Variants in GLI1 observed in about 807,000 individuals in gnomAD.
GLI1 encodes GLI family zinc finger 1, also known as transcription activator GLI1.
In GLI1, 51 loss-of-function variants were observed where a neutral mutation model predicts 87.8. The ratio of observed to expected loss-of-function variants is 0.58; its 90% CI spans 0.46 to 0.73. GLI1 has a LOEUF of 0.73. GLI1 is among the 30% of genes least tolerant of loss of function. The pLI is 0.00. For missense variants in GLI1, 1,292 were observed against 1,437.2 expected (o/e 0.90, Z 1.63); for synonymous variants, 528 against 558.2 (o/e 0.95, Z 0.76).
At chr12:57,462,549 C>A (rs771322672) in intron 1 of GLI1, among the ~76,000 whole-genome samples, 3 of 151,000 alleles carry the variant, frequency 2.0e-5, no homozygotes, top group Non-Finnish European at 4.4e-5. Context: ...GCAGCACCTT[C>A]TTCCTCGCTA....
At position 57,464,873 on chromosome 12, in the gene GLI1, A is replaced by G; in HGVS notation, c.389+5A>G. On this transcript the variant is annotated splice_donor_5th_base_variant and intron_variant, in intron 4 of 11. Transcript: ENST00000228682. ...TCTCTCCATTGGCACCATGAGGTGC[A>G]GTCAGCCCCGGGCCAAGAGGCCCCT... 6.2e-7 allele frequency: 1 copy of G among 1,606,714 alleles called. No individual in the cohort carries two copies. Among genetic ancestry groups the G allele is most frequent in the Non-Finnish European group, 8.5e-7 (1 of 1,173,406 alleles).
Position 57,465,663 on chromosome 12 carries a change from T to C in GLI1, c.591T>C (p.Gly197=). Residue 197 remains glycine, a synonymous_variant, in exon 6 of 12, where the codon GGT becomes GGC. Coordinates refer to ENST00000228682, the MANE Select transcript of GLI1 (RefSeq NM_005269.3). ...VGKCREEPLE[G]DMSSPNSTGI... is the part of the protein sequence containing the mutation. ...AGTGCCGGGAGGAACCCTTGGAAGG[T>C]GATATGTCCAGCCCCAACTCCACAG... 6.2e-7 allele frequency: 1 copy of C among 1,614,072 alleles called. No homozygotes were observed.
At position 57,471,196 on chromosome 12, in the gene GLI1, G is replaced by C; in HGVS notation, c.2456G>C (p.Gly819Ala). Residue 819 changes from glycine to alanine, a missense_variant, in exon 12 of 12, where the codon GGG becomes GCG. Gly to Ala is a moderately conservative substitution (Grantham distance 60). Around this residue, in one of 3 missense-constraint regions of GLI1, gnomAD observed 897 missense variants for 1,040.7 expected, o/e 0.86. Transcript: ENST00000228682. The surrounding 1 kb of genome is among the most constrained non-coding windows in gnomAD (Gnocchi z 4.9). Reference protein sequence around the residue: ...YGQVQVKPEQGCPVGSDSTGL... With the variant: ...YGQVQVKPEQACPVGSDSTGL... ...CAAGTGCAAGTCAAGCCAGAACAGG[G>C]GTGCCCAGTGGGGTCTGACTCCACA... 1 of 1,599,224 alleles carries C rather than the reference G, an allele frequency of 6.3e-7. No homozygotes were observed. The highest frequency in any genetic ancestry group is 8.5e-7 in the Non-Finnish European group (1 of 1,172,772).
At position 57,470,129 on chromosome 12, in the gene GLI1, CA is replaced by C. The variant is rs1273786860; in HGVS notation, c.1577-187del. On this transcript the variant is annotated intron_variant, in intron 11 of 11. Coordinates refer to ENST00000228682, the MANE Select transcript of GLI1 (RefSeq NM_005269.3). Reference sequence around the variant, plus strand: ...GCAGCACACAACCTGCACAACTGTTCATAGCAACCCTGAATCCTTGGTAACC... The same window carrying C: ...GCAGCACACAACCTGCACAACTGTTCTAGCAACCCTGAATCCTTGGTAACC... Among the ~76,000 whole-genome samples, 13 of 152,208 alleles carry C rather than the reference CA, an allele frequency of 8.5e-5. 1 individual carries two copies. In the East Asian group the frequency reaches 2.5e-3, roughly 29 times the overall value.
At chr12:57,464,290 G>A (rs562953490) in intron 3 of GLI1, among the ~76,000 whole-genome samples, 199 bp downstream of exon 3, 4 of 152,156 alleles carry the variant, frequency 2.6e-5, no homozygotes, top group South Asian at 2.1e-4. Context: ...GGGAAGCCGT[G>A]GCAGGAAGAT....
chr12:57,461,453 C>G (rs1354473744), intron 1 of GLI1, among the ~76,000 whole-genome samples: 1 of 152,164 alleles, frequency 6.6e-6, no homozygotes, highest in Non-Finnish European at 1.5e-5. Flanking sequence ...TGTCCGGGCC[C>G]CTCCTCCTCC....
In GLI1 at chr12:57,471,153, C is replaced by T. The variant is rs1050431269; in HGVS notation, c.2413C>T (p.Arg805Ter). The T allele has an allele frequency of 1.9e-6, 3 of 1,610,306 alleles. No homozygotes were observed. The highest frequency in any genetic ancestry group is 2.5e-6 in the Non-Finnish European group (3 of 1,178,252). ...ALGGTYSQCP[R>*]LEHYGQVQVK... Reference sequence around the variant, plus strand: ...AGGTGGAACCTACAGCCAGTGTCCTCGACTTGAACATTATGGACAAGTGCA... The same window carrying T: ...AGGTGGAACCTACAGCCAGTGTCCTTGACTTGAACATTATGGACAAGTGCA... Residue 805 changes from arginine (R) to a stop codon, truncating the protein, a stop_gained, in exon 12 of 12, where the codon CGA becomes TGA. Transcript: ENST00000228682. LOFTEE classifies it high-confidence loss of function. The surrounding 1 kb of genome is among the most constrained non-coding windows in gnomAD (Gnocchi z 4.9).
chr12:57,463,367 G>A lies in GLI1; in HGVS notation c.-27-298G>A, dbSNP rs145785739. On this transcript the variant is annotated intron_variant, in intron 1 of 11. Coordinates refer to ENST00000228682, the MANE Select transcript of GLI1 (RefSeq NM_005269.3). The stretch of plus-strand genomic sequence containing the variant: ...CGAGTAGCTGGGATTACAGGCACCC[G>A]CCATCATGACTGGCTAATTTTTGTT... Among the ~76,000 whole-genome samples, 7 of 152,234 alleles carry A rather than the reference G, an allele frequency of 4.6e-5. No individual in the cohort carries two copies. The South Asian group carries it at 1.5e-3, about 32-fold the overall frequency.
At chr12:57,466,970 C>T (rs1299503218) in intron 8 of GLI1, among the ~76,000 whole-genome samples, 1 of 152,072 alleles carries the variant, frequency 6.6e-6, no homozygotes, top group Non-Finnish European at 1.5e-5. Flanking sequence ...TATTGTTGGC[C>T]TTCAGTACTG....
intron 1 of GLI1, among the ~76,000 whole-genome samples, chr12:57,461,768 GA>G (rs1393028347): frequency 1.3e-5 from 2 of 151,756 alleles, no homozygotes; most frequent in African/African-American, 4.8e-5. Flanking sequence ...CGGGGGCGGG[GA>G]AGGCGGGACC....
At chr12:57,465,040 A>G in intron 4 of GLI1, 71 bp from the exon 5 acceptor site, 1 of 1,505,384 alleles carries the variant, frequency 6.6e-7, no homozygotes, top group Non-Finnish European at 9.3e-7. Flanking sequence ...TCTTCCAGAA[A>G]TCCTCCAAAT....
chr12:57,465,584 C>T (rs776660458), intron 5 of GLI1, 23 bp from the exon 6 acceptor site: 51 of 1,594,400 alleles, frequency 3.2e-5, no homozygotes, highest in South Asian at 7.7e-5. Flanking sequence ...CCCTCATCAC[C>T]GTCACCTCTT....
chr12:57,470,389 G>T lies in GLI1; in HGVS notation c.1649G>T (p.Ser550Ile). The change falls in exon 12 of 12, where the codon AGC becomes ATC. Residue 550 changes from serine (S) to isoleucine (I), a missense_variant. By Grantham distance (142) the Ser-to-Ile change is moderately radical. Around this residue, in one of 3 missense-constraint regions of GLI1, gnomAD observed 897 missense variants for 1,040.7 expected, o/e 0.86. Transcript: ENST00000228682. ...CGCAGCAGCAGCTCCAGCAGCATCA[G>T]CTCTGCCTATACTGTCAGCCGCCGC... ...ERRSSSSSSI[S>I]SAYTVSRRSS... 6.2e-7 allele frequency: 1 copy of T among 1,613,332 alleles called. No individual in the cohort carries two copies. Among genetic ancestry groups the T allele is most frequent in the East Asian group, 2.2e-5 (1 of 44,876 alleles).
chr12:57,461,885 G>T (rs1177620712), intron 1 of GLI1, among the ~76,000 whole-genome samples: 2 of 152,312 alleles, frequency 1.3e-5, no homozygotes, highest in African/African-American at 4.8e-5. Flanking sequence ...TCCGGCAGGG[G>T]AACCCTAGAG....
At position 57,470,868 on chromosome 12, in the gene GLI1, G is replaced by T; in HGVS notation, c.2128G>T (p.Gly710Trp). ...AGGGCTACAGGAAGAGCCAGAAGTT[G>T]GGACCTCCATGGTGGGCAGTGGTCT... is the stretch of plus-strand genomic sequence containing the variant. ...ARGLQEEPEV[G>W]TSMVGSGLNP... The change falls in exon 12 of 12, where the codon GGG becomes TGG. Residue 710 changes from glycine to tryptophan, a missense_variant. Coordinates refer to ENST00000228682, the MANE Select transcript of GLI1 (RefSeq NM_005269.3). 1 of 1,610,712 alleles carries T rather than the reference G, an allele frequency of 6.2e-7. No individual in the cohort carries two copies. The highest frequency in any genetic ancestry group is 8.5e-7 in the Non-Finnish European group (1 of 1,178,200).
Position 57,465,239 on chromosome 12 carries a change from C to A in GLI1, c.518C>A (p.Pro173His). ...GMIPHPQSRG[P>H]FPTCQLKSEL... ...ATCCCACATCCTCAGTCCCGGGGAC[C>A]CTTCCCAACTTGCCAGGTGAGAGTC... The change falls in exon 5 of 12, where the codon CCC becomes CAC. Residue 173 changes from proline to histidine, a missense_variant. Transcript: ENST00000228682. 6.2e-7 allele frequency: 1 copy of A among 1,610,872 alleles called. No homozygotes were observed. The highest frequency in any genetic ancestry group is 8.5e-7 in the Non-Finnish European group (1 of 1,178,626).
At chr12:57,463,364 C>T (rs966941324) in intron 1 of GLI1, among the ~76,000 whole-genome samples, 1 of 152,198 alleles carries the variant, frequency 6.6e-6, no homozygotes, top group African/African-American at 2.4e-5. Context: ...ATTACAGGCA[C>T]CCGCCATCAT....
chr12:57,465,883 T>C lies in GLI1; in HGVS notation c.720T>C (p.Asp240=), dbSNP rs1384101876. ...ESVYETDCRW[D]GCSQEFDSQE... is the part of the protein sequence containing the mutation. ...TGTATGAAACTGACTGCCGTTGGGATGGCTGCAGCCAGGAATTTGACTCCC... is the reference window on the plus strand; with the variant it reads ...TGTATGAAACTGACTGCCGTTGGGACGGCTGCAGCCAGGAATTTGACTCCC... The change falls in exon 7 of 12, where the codon GAT becomes GAC. Residue 240 remains aspartate (D), a synonymous_variant. Coordinates refer to ENST00000228682, the MANE Select transcript of GLI1 (RefSeq NM_005269.3). 6.2e-7 allele frequency: 1 copy of C among 1,613,958 alleles called. No individual in the cohort carries two copies. The highest frequency in any genetic ancestry group is 8.5e-7 in the Non-Finnish European group (1 of 1,179,930).
At chr12:57,460,783 G>A (rs1295579760) in intron 1 of GLI1, among the ~76,000 whole-genome samples, 1 of 151,636 alleles carries the variant, frequency 6.6e-6, no homozygotes, top group Non-Finnish European at 1.5e-5. Context: ...TGGGGCGGGG[G>A]GGGGCTGTCC....
Sources: gnomAD v4.1 joint callset for allele counts (sites outside exome capture counted in the v4.1 genomes callset) on GRCh38, gnomAD v4.1.1 for gene constraint, gnomAD v4.1.1 regional missense constraint, Gnocchi (gnomAD v3.1) non-coding constraint, MANE v1.5 for transcripts, NCBI Gene and HGNC (gene_info 2026-07-23, HGNC 2026-07-21) for gene names.